CCNL2: variants seen among roughly 807,000 people sequenced by gnomAD.
The protein encoded by CCNL2 is cyclin L2, also known as cyclin-L2.
Under a neutral mutation model 59.1 loss-of-function variants are expected in CCNL2, and 28 were observed. That is an observed-to-expected ratio of 0.47 (90% CI 0.35 to 0.65). The LOEUF is 0.65. CCNL2 is among the 30% of genes least tolerant of loss of function. The pLI is 0.00. For missense variants in CCNL2, 714 were observed against 717.4 expected, an observed-to-expected ratio of 1.00 and a Z score of 0.05; for synonymous variants, 342 against 288.6, an observed-to-expected ratio of 1.19 and a Z score of -1.88.
At chr1:1,393,234 T>A (rs1199920552) in intron 5 of CCNL2, 162 bp downstream of exon 5, 6 of 650,222 alleles carry the variant, frequency 9.2e-6, no homozygotes, top group Non-Finnish European at 1.7e-5. Context: ...GTGCCCATTT[T>A]GGGAGTCTGA....
At chr1:1,391,581 A>T in intron 5 of CCNL2, 1 of 1,304,222 alleles carries the variant, frequency 7.7e-7, no homozygotes, top group Non-Finnish European at 1.0e-6. Context: ...GGGGTCTTAA[A>T]ATGAACATTC....
chr1:1,391,593 T>G (rs1644765260), intron 5 of CCNL2: 1 of 1,299,278 alleles, frequency 7.7e-7, no homozygotes, highest in Non-Finnish European at 1.0e-6. Context: ...TGAACATTCA[T>G]AGAATCAGAA....
chr1:1,387,893 T>G (rs1315379064), intron 9 of CCNL2, 24 bp from the exon 10 acceptor site: 6 of 1,613,726 alleles, frequency 3.7e-6, no homozygotes, highest in Non-Finnish European at 5.1e-6. Context: ...AGGAGCCAGT[T>G]ACAAAGCAGA....
Position 1,393,474 on chromosome 1 carries a change from G to A in CCNL2, c.595-14C>T, listed in dbSNP as rs1395385875. ...CATAACGATTATCTGGAAGATACGG[G>A]TCAGGCAGTTATTACCAAGAACCTT... On this transcript the variant is annotated splice_polypyrimidine_tract_variant and intron_variant, in intron 4 of 10. Transcript: ENST00000400809. 6.2e-7 allele frequency: 1 copy of A among 1,612,952 alleles called. No individual in the cohort carries two copies. The highest frequency in any genetic ancestry group is 1.3e-5 in the African/African-American group (1 of 74,906).
intron 5 of CCNL2, chr1:1,393,045 G>A: frequency 1.7e-6 from 1 of 601,480 alleles, no homozygotes; most frequent in African/African-American, 1.9e-5. Context: ...GGGATGCAAT[G>A]TCAGTGGAGA....
intron 8 of CCNL2, 134 bp downstream of exon 8, chr1:1,390,096 T>C (rs1471639215): frequency 2.3e-5 from 19 of 815,100 alleles, no homozygotes; most frequent in Non-Finnish European, 3.4e-5. Context: ...CCAGCCTGGG[T>C]GACAGAGACC....
chr1:1,398,398 C>T (rs758308081), intron 2 of CCNL2, 56 bp from the exon 3 acceptor site: 55 of 1,611,134 alleles, frequency 3.4e-5, no homozygotes, highest in Non-Finnish European at 4.6e-5. Flanking sequence ...GGCGTCCTGA[C>T]GGCCGCCAAA....
intron 5 of CCNL2, chr1:1,392,919 G>GA: frequency 9.5e-7 from 1 of 1,053,704 alleles, no homozygotes. Flanking sequence ...AACTCCATGG[G>GA]AAAAAATTCA....
Position 1,387,272 on chromosome 1 carries a change from AGCGACGGCCTGT to A in CCNL2, c.1510_1521del (p.Thr504_Arg507del). 1 of 1,611,688 alleles carries A rather than the reference AGCGACGGCCTGT, an allele frequency of 6.2e-7. No individual in the cohort carries two copies. Among genetic ancestry groups the A allele is most frequent in the Non-Finnish European group, 8.5e-7 (1 of 1,179,988 alleles). On this transcript the variant is annotated inframe_deletion, in exon 11 of 11. Coordinates refer to ENST00000400809, the MANE Select transcript of CCNL2 (RefSeq NM_030937.6). ...CTGTGCCCAGGGTGGTCCCGCTCAT[AGCGACGGCCTGT>A]GCGTTCATACGACCTCGAGCGCTCT...
At chr1:1,398,510 C>A in intron 2 of CCNL2, 87 bp downstream of exon 2, 1 of 1,574,326 alleles carries the variant, frequency 6.4e-7, no homozygotes, top group Admixed American at 1.7e-5. Context: ...GGGGCAAGTA[C>A]TCACTCCCTT....
intron 3 of CCNL2, 83 bp from the exon 4 acceptor site, chr1:1,395,597 G>C: frequency 6.4e-7 from 1 of 1,574,424 alleles, no homozygotes; most frequent in South Asian, 1.1e-5. Flanking sequence ...CCAACTATGA[G>C]CACCTAACAC....
chr1:1,391,047 T>C, intron 5 of CCNL2, 182 bp from the exon 6 acceptor site: 1 of 1,003,384 alleles, frequency 1.0e-6, no homozygotes, highest in Non-Finnish European at 1.4e-6. Flanking sequence ...AGCTGCTTTT[T>C]CTAAATACAG....
chr1:1,397,314 A>T (rs1464786162), intron 3 of CCNL2, among the ~76,000 whole-genome samples: 1 of 151,958 alleles, frequency 6.6e-6, no homozygotes, highest in Non-Finnish European at 1.5e-5. Context: ...TTTTTTTTGG[A>T]AACAGGGCCT....
chr1:1,390,395 T>C, intron 7 of CCNL2, 24 bp from the exon 8 acceptor site: 1 of 1,612,026 alleles, frequency 6.2e-7, no homozygotes, highest in Non-Finnish European at 8.5e-7. Flanking sequence ...AAGGTGTCCG[T>C]TCAGAACCAG....
In CCNL2 at chr1:1,386,992, C is replaced by A; in HGVS notation, c.*239G>T. ...AGCTGCTGCCGAGCTGAGCCCTGCA[C>A]GGGCCCAGGTGTGCGCCGCACCCCA... is the stretch of plus-strand genomic sequence containing the variant. On this transcript the variant is annotated 3_prime_UTR_variant, in exon 11 of 11. Coordinates refer to ENST00000400809, the MANE Select transcript of CCNL2 (RefSeq NM_030937.6). 2.2e-6 allele frequency: 1 copy of A among 460,112 alleles called. No homozygotes were observed. The highest frequency in any genetic ancestry group is 3.3e-5 in the East Asian group (1 of 30,530). 28.5% of individuals were successfully genotyped at this position (460,112 alleles called of 1,614,324 possible). A position where few individuals can be genotyped will look rare whatever the true frequency, so the allele number is the denominator to read the frequency against.
chr1:1,396,637 A>G (rs1295773627), intron 3 of CCNL2, among the ~76,000 whole-genome samples: 1 of 137,862 alleles, frequency 7.3e-6, no homozygotes, highest in Non-Finnish European at 1.5e-5. Flanking sequence ...CTGGAGTGCA[A>G]TGGCACAATC....
chr1:1,397,811 G>C (rs974539370), intron 3 of CCNL2, among the ~76,000 whole-genome samples: 6 of 152,164 alleles, frequency 3.9e-5, no homozygotes, highest in African/African-American at 1.4e-4. Flanking sequence ...GCTGTAGTGA[G>C]CCATGATCAT....
At position 1,399,003 on chromosome 1, in the gene CCNL2, G is replaced by A. The variant is rs761423446; in HGVS notation, c.288+16C>T. Reference sequence around the variant, plus strand: ...CAGCGGTTACCTGGGCCGGAGGCTCGCGGCCGCGCCCTCACCTGCGGCAGG... The same window carrying A: ...CAGCGGTTACCTGGGCCGGAGGCTCACGGCCGCGCCCTCACCTGCGGCAGG... On this transcript the variant is annotated intron_variant, in intron 1 of 10. Coordinates refer to ENST00000400809, the MANE Select transcript of CCNL2 (RefSeq NM_030937.6). 1 of 1,580,234 alleles carries A rather than the reference G, an allele frequency of 6.3e-7. No individual in the cohort carries two copies. Among genetic ancestry groups the A allele is most frequent in the Non-Finnish European group, 8.6e-7 (1 of 1,166,258 alleles).
In CCNL2 at chr1:1,387,800, G is replaced by A. The variant is rs1644536884; in HGVS notation, c.1188C>T (p.Ser396=). 6.2e-7 allele frequency: 1 copy of A among 1,613,012 alleles called. No homozygotes were observed. Among genetic ancestry groups the A allele is most frequent in the Non-Finnish European group, 8.5e-7 (1 of 1,179,730 alleles). The change falls in exon 10 of 11, where the codon TCC becomes TCT. Residue 396 remains serine, a synonymous_variant. Coordinates refer to ENST00000400809, the MANE Select transcript of CCNL2 (RefSeq NM_030937.6). ...SREQSYSRSP[S]RSASPKRRKS... ...ACCTCCTCTTAGGAGACGCTGATCG[G>A]GATGGGGACCTCGAGTAGCTCTGCT...
Sources: gnomAD v4.1 joint callset for allele counts (sites outside exome capture counted in the v4.1 genomes callset) on GRCh38, gnomAD v4.1.1 for gene constraint, MANE v1.5 for transcripts, NCBI Gene and HGNC (gene_info 2026-07-23, HGNC 2026-07-21) for gene names.